TRMT11: variants seen among roughly 807,000 people sequenced by gnomAD.
TRMT11 encodes tRNA (guanine(10)-N(2))-methyltransferase TRMT11.
Under a neutral mutation model 62.8 loss-of-function variants are expected in TRMT11, and 53 were observed. The observed-to-expected ratio is 0.84, with a 90% confidence interval of 0.68 to 1.06. The LOEUF is 1.06. Among genes scored for constraint, TRMT11 ranks in the 50% least tolerant of loss-of-function variants. The probability of loss-of-function intolerance (pLI) is 0.00; values close to 1 mark genes in which losing one functional copy is unlikely to be tolerated. For missense variants in TRMT11, 556 were observed against 553.4 expected (o/e 1.00, Z -0.05); for synonymous variants, 188 against 190.3 (o/e 0.99, Z 0.10).
intron 12 of TRMT11, among the ~76,000 whole-genome samples, chr6:126,021,511 C>T (rs1447102729): frequency 6.6e-6 from 1 of 152,004 alleles, no homozygotes; most frequent in Non-Finnish European, 1.5e-5. Flanking sequence ...AGACGTTGAC[C>T]CTCACTTCTC....
At position 125,998,276 on chromosome 6, in the gene TRMT11, T is replaced by G; in HGVS notation, c.348T>G (p.Asn116Lys). The G allele has an allele frequency of 6.2e-7, 1 of 1,602,930 alleles. No individual in the cohort carries two copies. Among genetic ancestry groups the G allele is most frequent in the Non-Finnish European group, 8.5e-7 (1 of 1,170,716 alleles). ...STYKIKIHTF[N>K]KTLTQEEKIK... ...ATAAAATAAAGATTCACACTTTTAA[T>G]AAGACATTGACACAAGAAGAGAAAA... Residue 116 changes from asparagine (N) to lysine (K), a missense_variant, in exon 5 of 13, where the codon AAT becomes AAG. Transcript: ENST00000334379.
intron 17 of TRMT11, among the ~76,000 whole-genome samples, chr6:126,070,947 G>A (rs140013972): frequency 7.0e-4 from 107 of 152,274 alleles, no homozygotes; most frequent in African/African-American, 2.4e-3. Flanking sequence ...TGCCTGGCAG[G>A]CCACAGTGAT....
At chr6:126,013,270 T>A (rs1314089378) in intron 11 of TRMT11, among the ~76,000 whole-genome samples, 169 bp downstream of exon 11, 1 of 151,992 alleles carries the variant, frequency 6.6e-6, no homozygotes, top group Non-Finnish European at 1.5e-5. Flanking sequence ...TTTATTTAGT[T>A]TTTTGAGACA....
At chr6:126,266,842 G>GT in the TRMT11 span, among the ~76,000 whole-genome samples, 549 of 152,172 alleles carry the variant, frequency 3.6e-3, 5 homozygotes, top group African/African-American at 0.012. Flanking sequence ...CTTAATCACA[G>GT]TTTTTTTATA....
At chr6:126,245,734 C>T in the TRMT11 span, among the ~76,000 whole-genome samples, 12 of 152,130 alleles carry the variant, frequency 7.9e-5, no homozygotes, top group Non-Finnish European at 1.5e-4. Context: ...GCTCTTTGTT[C>T]CTCTCTAGAG....
chr6:126,130,352 A>G (rs920409483), intron 21 of TRMT11, among the ~76,000 whole-genome samples: 13 of 152,080 alleles, frequency 8.5e-5, no homozygotes, highest in African/African-American at 3.1e-4. Context: ...TTCAATGGAT[A>G]CAAAATCCTT....
intron 1 of TRMT11, among the ~76,000 whole-genome samples, chr6:126,197,971 A>G (rs139623661): frequency 1.3e-5 from 2 of 152,312 alleles, no homozygotes; most frequent in East Asian, 3.9e-4. Context: ...TTTCTTATCC[A>G]GGTGAGAAGA....
rs115674607 is a variant in TRMT11, at chr6:125,989,056, T to C, written c.72+2434T>C. Among the ~76,000 whole-genome samples the C allele has an allele frequency of 3.5e-3, 534 of 151,724 alleles. 3 individuals are homozygous for C. The highest frequency in any genetic ancestry group is 0.012 in the African/African-American group (509 of 41,386). On this transcript the variant is annotated intron_variant, in intron 1 of 12. Transcript: ENST00000334379. The stretch of plus-strand genomic sequence containing the variant: ...GGGAGGGAGGTTGAAGTGGTGGGCA[T>C]TGAGGCCAGAGAGGTGGTAAGATCT...
At chr6:126,013,375 A>G (rs930711245) in intron 11 of TRMT11, among the ~76,000 whole-genome samples, 7 of 151,474 alleles carry the variant, frequency 4.6e-5, no homozygotes, top group East Asian at 1.9e-4. Context: ...TCCCACCTCA[A>G]CCTCCTGAGT....
chr6:126,089,133 A>G (rs1440829658), intron 17 of TRMT11, among the ~76,000 whole-genome samples: 2 of 150,922 alleles, frequency 1.3e-5, no homozygotes, highest in African/African-American at 4.9e-5. Context: ...TTTTTTCCCA[A>G]GATGGAGTCT....
chr6:126,086,384 A>G (rs1041440715), intron 17 of TRMT11, among the ~76,000 whole-genome samples: 2 of 152,192 alleles, frequency 1.3e-5, no homozygotes, highest in African/African-American at 4.8e-5. Context: ...CCGAGATAAC[A>G]TTCTTGATTG....
In TRMT11 at chr6:126,182,396, G is replaced by GT. The variant is rs938028299; in HGVS notation, n.143+5064dup. On this transcript the variant is annotated intron_variant and non_coding_transcript_variant, in intron 1 of 3. Coordinates refer to the TRMT11 transcript ENST00000444229. ...CTTTTTTTCCCACTTCTTGGTGGTCGTTTCTTCAAGAGGATTTGGACTTAC... is the reference window on the plus strand; with the variant it reads ...CTTTTTTTCCCACTTCTTGGTGGTCGTTTTCTTCAAGAGGATTTGGACTTAC... Among the ~76,000 whole-genome samples the GT allele has an allele frequency of 6.8e-4, 103 of 152,080 alleles. 1 individual carries two copies. The highest frequency in any genetic ancestry group is 2.4e-3 in the African/African-American group (99 of 41,486).
At chr6:126,164,632 A>C (rs1258117270) in intron 21 of TRMT11, among the ~76,000 whole-genome samples, 1 of 152,132 alleles carries the variant, frequency 6.6e-6, no homozygotes, top group African/African-American at 2.4e-5. Flanking sequence ...GGTCTCTAAG[A>C]ACTTGCTTTA....
chr6:126,109,365 A>G (rs1777500611), intron 17 of TRMT11, among the ~76,000 whole-genome samples: 1 of 152,164 alleles, frequency 6.6e-6, no homozygotes. Context: ...ATTTTTAGAA[A>G]GGGTATATAG....
At chr6:126,229,867 A>G in the TRMT11 span, among the ~76,000 whole-genome samples, 1 of 152,202 alleles carries the variant, frequency 6.6e-6, no homozygotes, top group African/African-American at 2.4e-5. Context: ...GTAGTCTTAA[A>G]AGCGTTGTTT....
intron 17 of TRMT11, among the ~76,000 whole-genome samples, chr6:126,082,731 C>T (rs1443168781): frequency 2.0e-5 from 3 of 151,878 alleles, no homozygotes; most frequent in African/African-American, 7.3e-5. Flanking sequence ...TATTTTTTTG[C>T]CATTTTGGAA....
At chr6:126,263,598 T>G in the TRMT11 span, among the ~76,000 whole-genome samples, 1 of 152,236 alleles carries the variant, frequency 6.6e-6, no homozygotes, top group Non-Finnish European at 1.5e-5. Context: ...TGGACAAAAC[T>G]TAGAAGGTTC....
At chr6:126,000,837 T>C (rs1792348484) in intron 7 of TRMT11, among the ~76,000 whole-genome samples, 1 of 152,164 alleles carries the variant, frequency 6.6e-6, no homozygotes, top group Admixed American at 6.6e-5. Flanking sequence ...TATTCTTTTC[T>C]TCCCCACTCT....
Position 126,030,628 on chromosome 6 carries a change from A to G in TRMT11, c.1261-8077A>G, listed in dbSNP as rs1460877428. Among the ~76,000 whole-genome samples the G allele has an allele frequency of 2.6e-5, 4 of 152,320 alleles. No individual in the cohort carries two copies. In the East Asian group the frequency reaches 5.8e-4, roughly 22 times the overall value. On this transcript the variant is annotated intron_variant, in intron 12 of 12. Transcript: ENST00000334379. The stretch of plus-strand genomic sequence containing the variant: ...AGCCATTTGTATTCAAGCGTTTGCA[A>G]TGAAGCTGCTGTTTTGTATAAACTA...
Sources: allele counts gnomAD v4.1 joint callset (sites outside exome capture counted in the v4.1 genomes callset), GRCh38; gene constraint gnomAD v4.1.1; transcripts MANE v1.5; gene names NCBI Gene and HGNC (gene_info 2026-07-23, HGNC 2026-07-21).